Variants in ZNFX1 observed in about 807,000 individuals in gnomAD.
ZNFX1 encodes the protein NFX1-type zinc finger-containing protein 1.
Under a neutral mutation model 179.8 loss-of-function variants are expected in ZNFX1, and 78 were observed. The observed-to-expected ratio is 0.43, with a 90% confidence interval of 0.36 to 0.52. The LOEUF (loss-of-function observed/expected upper bound fraction) is 0.52, where lower values mean the gene tolerates loss of function less well. Ranked by LOEUF, ZNFX1 falls within the 20% of genes least tolerant of loss-of-function variation. ZNFX1 has a pLI of 0.00. For missense variants in ZNFX1, 1,927 were observed against 2,386.6 expected, an observed-to-expected ratio of 0.81 and a Z score of 4.01; for synonymous variants, 848 against 868.5, an observed-to-expected ratio of 0.98 and a Z score of 0.42.
At chr20:49,275,943 C>T (rs1052884398) in intron 1 of ZNFX1, 56 bp from the exon 2 acceptor site, 2 of 1,096,670 alleles carry the variant, frequency 1.8e-6, no homozygotes, top group Non-Finnish European at 2.8e-6. Context: ...AGCAAAAACC[C>T]AAACACCATC....
At chr20:49,268,585 A>G (rs574895958) in intron 3 of ZNFX1, among the ~76,000 whole-genome samples, 1 of 152,302 alleles carries the variant, frequency 6.6e-6, no homozygotes, top group African/African-American at 2.4e-5. Flanking sequence ...TAAACAGACA[A>G]CCTACAAAAT....
chr20:49,273,006 G>A (rs1001759807), intron 2 of ZNFX1, among the ~76,000 whole-genome samples: 1 of 80,922 alleles, frequency 1.2e-5, no homozygotes, highest in African/African-American at 3.4e-5. Flanking sequence ...ACAATGATTT[G>A]ATAAAAAAGT....
intron 10 of ZNFX1, 118 bp from the exon 11 acceptor site, chr20:49,253,929 G>T: frequency 8.2e-7 from 1 of 1,213,924 alleles, no homozygotes; most frequent in Non-Finnish European, 1.2e-6. Flanking sequence ...GCGACAGCTG[G>T]TCCTTATAGT....
In ZNFX1 at chr20:49,260,508, C is replaced by T. The variant is rs1326476919; in HGVS notation, c.2371G>A (p.Gly791Ser). Reference protein sequence around the residue: ...MMLEWLGLGVGSFTQSVSPAG... With the variant: ...MMLEWLGLGVSSFTQSVSPAG... ...GGAGAAACACTTTGCGTGAAAGAAC[C>T]GACACCAAGACCTAGCCACTCCAGC... Residue 791 changes from glycine (G) to serine (S), a missense_variant, in exon 7 of 14, where the codon GGT (glycine) becomes AGT (serine). By Grantham distance (56) the Gly-to-Ser change is moderately conservative. Transcript: ENST00000396105. 1.5e-5 allele frequency: 24 copies of T among 1,612,798 alleles called. No individual in the cohort carries two copies. Among genetic ancestry groups the T allele is most frequent in the East Asian group, 8.9e-5 (4 of 44,854 alleles).
chr20:49,270,317 G>A lies in ZNFX1; in HGVS notation c.1495C>T (p.Pro499Ser). ...QSQQLLAEVQ[P>S]SDSFLMVETT... is the part of the protein sequence containing the mutation. ...TCTACCATGAGGAAAGAGTCAGAGG[G>A]CTGGACCTCTGCTAGCAGCTGTTGG... is the stretch of plus-strand genomic sequence containing the variant. Residue 499 changes from proline to serine, a missense_variant, in exon 3 of 14, where the codon CCC (proline) becomes TCC (serine). Transcript: ENST00000396105. This position sits in a 1 kb window ranked among gnomAD's most constrained non-coding sequence, Gnocchi z 4.6. 1.2e-6 allele frequency: 2 copies of A among 1,614,100 alleles called. No individual in the cohort carries two copies. Among genetic ancestry groups the A allele is most frequent in the Non-Finnish European group, 1.7e-6 (2 of 1,180,016 alleles).
intron 5 of ZNFX1, among the ~76,000 whole-genome samples, chr20:49,264,440 A>G (rs1981189079): frequency 1.3e-5 from 2 of 152,142 alleles, no homozygotes; most frequent in South Asian, 4.1e-4. Context: ...TTCCCTGGTC[A>G]GTTGGCTGTA....
chr20:49,253,580 A>T, intron 11 of ZNFX1, 86 bp downstream of exon 11: 1 of 1,520,366 alleles, frequency 6.6e-7, no homozygotes, highest in South Asian at 1.2e-5. Flanking sequence ...AAGCTTGAGG[A>T]CTGTTGAAGC....
rs780601605 is a variant in ZNFX1, at chr20:49,260,626, T to C, written c.2302-49A>G. The C allele has an allele frequency of 2.2e-6, 3 of 1,366,028 alleles. No individual in the cohort carries two copies. In the South Asian group the frequency reaches 3.8e-5, roughly 17 times the overall value. 84.6% of individuals were successfully genotyped at this position (1,366,028 alleles called of 1,614,324 possible). ...TGTGAGGATTCTATGACAACCAATG[T>C]GAAGGCTGGGTCTCCTCAAAGAATC... On this transcript the variant is annotated intron_variant, in intron 6 of 13. Transcript: ENST00000396105.
intron 3 of ZNFX1, 61 bp from the exon 4 acceptor site, chr20:49,266,327 C>G: frequency 6.8e-7 from 1 of 1,471,898 alleles, no homozygotes; most frequent in South Asian, 1.3e-5. Flanking sequence ...AGTAATTACT[C>G]AGAGCAAAAT....
At chr20:49,275,048 G>A (rs1461092420) in intron 2 of ZNFX1, among the ~76,000 whole-genome samples, 1 of 151,704 alleles carries the variant, frequency 6.6e-6, no homozygotes. Context: ...GCGTGAACCC[G>A]GGAGGCGGAG....
At chr20:49,262,691 T>C (rs1443175891) in intron 6 of ZNFX1, among the ~76,000 whole-genome samples, 1 of 152,238 alleles carries the variant, frequency 6.6e-6, no homozygotes, top group African/African-American at 2.4e-5. Context: ...AGCTACCATT[T>C]CACTGGGTTC....
intron 8 of ZNFX1, 107 bp from the exon 9 acceptor site, chr20:49,256,054 T>C (rs551765122): frequency 1.8e-5 from 25 of 1,360,164 alleles, no homozygotes; most frequent in Middle Eastern, 5.2e-4. Context: ...GCATCACTGA[T>C]TAATGTCAAG....
intron 10 of ZNFX1, 85 bp from the exon 11 acceptor site, chr20:49,253,896 G>C: frequency 6.6e-7 from 1 of 1,512,342 alleles, no homozygotes; most frequent in Admixed American, 1.8e-5. Flanking sequence ...ATCCACTTCT[G>C]TATCTTCCCT....
At position 49,248,623 on chromosome 20, in the gene ZNFX1, G is replaced by A. The variant is rs764095540; in HGVS notation, c.4401C>T (p.Arg1467=). 3.7e-6 allele frequency: 6 copies of A among 1,613,930 alleles called. No homozygotes were observed. The Admixed American group carries it at 1.0e-4, about 27-fold the overall frequency. ...FHERCQQPCK[R]LLICSHKCQE... is the part of the protein sequence containing the mutation. ...GGCACTTGTGTGAGCAGATAAGCAG[G>A]CGCTTGCAGGGCTGCTGACAGCGTT... The change falls in exon 14 of 14, where the codon CGC becomes CGT. Residue 1467 remains arginine, a synonymous_variant. Coordinates refer to ENST00000396105, the MANE Select transcript of ZNFX1 (RefSeq NM_021035.3). This position sits in a 1 kb window ranked among gnomAD's most constrained non-coding sequence, Gnocchi z 4.6.
intron 3 of ZNFX1, among the ~76,000 whole-genome samples, chr20:49,266,839 A>T (rs1465911201): frequency 2.0e-5 from 3 of 152,118 alleles, no homozygotes; most frequent in African/African-American, 7.2e-5. Flanking sequence ...TTGGAATAAG[A>T]GTTATAGGCT....
At position 49,257,107 on chromosome 20, in the gene ZNFX1, T is replaced by G. The variant is rs538793788; in HGVS notation, c.2664+310A>C. ...TTTGAAATAGAGAAAACAACACTCCTGAAGGCATTAAGTACTGAGACCGTG... is the reference window on the plus strand; with the variant it reads ...TTTGAAATAGAGAAAACAACACTCCGGAAGGCATTAAGTACTGAGACCGTG... On this transcript the variant is annotated intron_variant, in intron 8 of 13. Coordinates refer to ENST00000396105, the MANE Select transcript of ZNFX1 (RefSeq NM_021035.3). Among the ~76,000 whole-genome samples the G allele has an allele frequency of 8.6e-4, 131 of 152,344 alleles. 3 individuals carry two copies. In the South Asian group the frequency reaches 0.026, roughly 31 times the overall value.
Position 49,256,012 on chromosome 20 carries a change from G to A in ZNFX1, c.2665-65C>T, listed in dbSNP as rs1262350912. ...AGGCAGGCTTGGTTTTAAGCCCAAGGCAGGGGTCACAGCACGTAAGAAAAA... is the reference window on the plus strand; with the variant it reads ...AGGCAGGCTTGGTTTTAAGCCCAAGACAGGGGTCACAGCACGTAAGAAAAA... On this transcript the variant is annotated intron_variant, in intron 8 of 13. Coordinates refer to ENST00000396105, the MANE Select transcript of ZNFX1 (RefSeq NM_021035.3). 3 of 1,583,712 alleles carry A rather than the reference G, an allele frequency of 1.9e-6. No homozygotes were observed. In the Admixed American group the frequency reaches 5.4e-5, roughly 28 times the overall value.
In ZNFX1 at chr20:49,249,472, C is replaced by T; in HGVS notation, c.3552G>A (p.Val1184=). 2 of 1,614,246 alleles carry T rather than the reference C, an allele frequency of 1.2e-6. No homozygotes were observed. Among genetic ancestry groups the T allele is most frequent in the Non-Finnish European group, 1.7e-6 (2 of 1,180,048 alleles). The part of the protein sequence containing the change: ...KTFAGVRVHV[V]DKYQGEENDI... Reference sequence around the variant, plus strand: ...CATTCTCTTCCCCTTGGTATTTGTCCACAACATGGACCCTGACGCCAGCAA... The same window carrying T: ...CATTCTCTTCCCCTTGGTATTTGTCTACAACATGGACCCTGACGCCAGCAA... Residue 1184 remains valine (V), a synonymous_variant, in exon 14 of 14, where the codon GTG becomes GTA. Transcript: ENST00000396105.
At position 49,255,818 on chromosome 20, in the gene ZNFX1, G is replaced by T. The variant is rs1403216962; in HGVS notation, c.2794C>A (p.Gln932Lys). Residue 932 changes from glutamine (Q) to lysine (K), a missense_variant, in exon 9 of 14, where the codon CAG (glutamine) becomes AAG (lysine). Transcript: ENST00000396105. ...VWQLDLSSRW[Q>K]LYRLWLQLYQ... ...TGTGGAACACAGTACCTATAAAGCT[G>T]CCAGCGAGAACTGAGGTCCAGCTGC... The T allele has an allele frequency of 7.7e-5, 125 of 1,613,152 alleles. No individual in the cohort carries two copies. The highest frequency in any genetic ancestry group is 1.1e-4 in the Non-Finnish European group (125 of 1,179,488).
Sources: allele counts gnomAD v4.1 joint callset (sites outside exome capture counted in the v4.1 genomes callset), GRCh38; gene constraint gnomAD v4.1.1; non-coding constraint Gnocchi (gnomAD v3.1); transcripts MANE v1.5; gene names NCBI Gene and HGNC (gene_info 2026-07-23, HGNC 2026-07-21).